Variants in BSCL2 observed in about 807,000 individuals in gnomAD.
BSCL2 encodes the protein BSCL2 lipid droplet biogenesis associated, seipin.
BSCL2 carries 41 observed loss-of-function variants against 57.4 expected under a neutral mutation model. The ratio of observed to expected loss-of-function variants is 0.71; its 90% CI spans 0.56 to 0.93. The LOEUF is 0.93. Among genes scored for constraint, BSCL2 ranks in the 40% least tolerant of loss-of-function variants. The pLI, the probability that BSCL2 is intolerant of heterozygous loss-of-function variation, is 0.00. For synonymous variants in BSCL2, 237 were observed against 227.3 expected (o/e 1.04, Z -0.38); for missense variants, 539 against 586.7 (o/e 0.92, Z 0.84).
At chr11:62,708,441 G>A, upstream of BSCL2, 2 of 1,387,276 alleles carry the variant, frequency 1.4e-6, no homozygotes, top group East Asian at 2.3e-5. Flanking sequence ...AGGCTGTGCT[G>A]TGCTGCAGGT....
intron 3 of BSCL2, 138 bp downstream of exon 3, chr11:62,702,330 T>C: frequency 1.4e-6 from 1 of 731,478 alleles, no homozygotes; most frequent in Non-Finnish European, 2.3e-6. Flanking sequence ...CCTCCCAAAG[T>C]ACTGGGATTA....
chr11:62,702,128 G>A (rs745874778), intron 3 of BSCL2, among the ~76,000 whole-genome samples: 12 of 150,788 alleles, frequency 8.0e-5, no homozygotes, highest in Admixed American at 2.6e-4. Context: ...GTGCAATGGC[G>A]TGATCTCGGC....
At chr11:62,703,311 G>T (rs995586553) in intron 2 of BSCL2, among the ~76,000 whole-genome samples, 2 of 151,596 alleles carry the variant, frequency 1.3e-5, no homozygotes, top group African/African-American at 4.8e-5. Context: ...TGCATGTGGG[G>T]GTGTGGGTGC....
intron 1 of BSCL2, chr11:62,706,297 T>C: frequency 9.0e-7 from 1 of 1,115,690 alleles, no homozygotes; most frequent in Non-Finnish European, 1.1e-6. Flanking sequence ...GAGACGGGAC[T>C]TCCGGCTCCC....
At chr11:62,703,857 T>C (rs1324678251) in intron 2 of BSCL2, among the ~76,000 whole-genome samples, 10 of 150,530 alleles carry the variant, frequency 6.6e-5, no homozygotes, top group Middle Eastern at 3.6e-3. Context: ...CAGTGGCTCA[T>C]GCTTGTAATC....
At chr11:62,705,197 C>T (rs1490859166) in intron 2 of BSCL2, 104 bp downstream of exon 2, 2 of 1,289,376 alleles carry the variant, frequency 1.6e-6, no homozygotes, top group Non-Finnish European at 2.2e-6. Flanking sequence ...GCACACCTGG[C>T]TCCAGTTTTC....
chr11:62,696,696 T>C (rs1290431387), intron 3 of BSCL2, among the ~76,000 whole-genome samples: 1 of 152,054 alleles, frequency 6.6e-6, no homozygotes, highest in East Asian at 1.9e-4. Context: ...TAGCTGGAAC[T>C]ACAGGCATGT....
intron 2 of BSCL2, among the ~76,000 whole-genome samples, chr11:62,703,077 G>A (rs1945692760): frequency 6.6e-6 from 1 of 151,728 alleles, no homozygotes; most frequent in South Asian, 2.1e-4. Flanking sequence ...CTGAACCTGG[G>A]AGGCAGAGGT....
At chr11:62,694,803 C>T (rs1248954246) in intron 3 of BSCL2, 92 bp from the exon 4 acceptor site, 19 of 1,441,980 alleles carry the variant, frequency 1.3e-5, no homozygotes, top group Non-Finnish European at 1.8e-5. Context: ...CCGCAACGCC[C>T]CCAAATACTC....
intron 2 of BSCL2, among the ~76,000 whole-genome samples, chr11:62,702,916 CGAG>C (rs1945687648): frequency 6.6e-6 from 1 of 151,912 alleles, no homozygotes; most frequent in African/African-American, 2.4e-5. Flanking sequence ...TTTTGGAGGC[CGAG>C]GAGGGCGGAT....
At position 62,692,802 on chromosome 11, in the gene BSCL2, C is replaced by T; in HGVS notation, c.631-5G>A. The T allele has an allele frequency of 6.2e-7, 1 of 1,612,898 alleles. No homozygotes were observed. The highest frequency in any genetic ancestry group is 8.5e-7 in the Non-Finnish European group (1 of 1,179,952). ...TGAGCGGTAATGCAGCATCACCTGC[C>T]GGGGGTGGGAAGCAGAGGCTGGGGA... On this transcript the variant is annotated splice_region_variant and splice_polypyrimidine_tract_variant and intron_variant, in intron 4 of 10. Coordinates refer to ENST00000360796, the MANE Select transcript of BSCL2 (RefSeq NM_001122955.4).
At chr11:62,696,278 T>TTGTGTGTGTGTGTGTGTGTG (rs1197051764) in intron 3 of BSCL2, among the ~76,000 whole-genome samples, 178 of 136,318 alleles carry the variant, frequency 1.3e-3, no homozygotes, top group Middle Eastern at 3.7e-3. Flanking sequence ...CATAAACTTT[T>TTGTGTGTGTGTGTGTGTGTG]TGTGTGTGTG....
At chr11:62,697,388 A>G (rs1945503190) in intron 3 of BSCL2, 1 of 149,574 alleles carries the variant, frequency 6.7e-6, no homozygotes, top group East Asian at 2.0e-4. Context: ...CCGTCTCAAA[A>G]AAAAAAAAAA....
chr11:62,695,766 G>C (rs1399552708), intron 3 of BSCL2, among the ~76,000 whole-genome samples: 1 of 148,572 alleles, frequency 6.7e-6, no homozygotes, highest in African/African-American at 2.5e-5. Context: ...AGCCCATAGT[G>C]AACTACCTCC....
At chr11:62,704,885 G>A (rs11605489) in intron 2 of BSCL2, among the ~76,000 whole-genome samples, 77,267 of 151,972 alleles carry the variant, frequency 0.51, 22,730 homozygotes, top group South Asian at 0.73. Flanking sequence ...TTGTGTAGCC[G>A]ACTTTCAGGG....
At position 62,691,284 on chromosome 11, in the gene BSCL2, A is replaced by G; in HGVS notation, c.1001T>C (p.Leu334Ser). The G allele has an allele frequency of 6.2e-7, 1 of 1,614,162 alleles. No homozygotes were observed. The highest frequency in any genetic ancestry group is 1.6e-4 in the Middle Eastern group (1 of 6,062). ...GGGGTCCTTGCCCCTTTCGACCTGCAAAGAGAAGCGGTGTCGGGGCCAGAT... is the reference window on the plus strand; with the variant it reads ...GGGGTCCTTGCCCCTTTCGACCTGCGAAGAGAAGCGGTGTCGGGGCCAGAT... Reference protein sequence around the residue: ...GGIWPRHRFSLQVNIRKRDNS... With the variant: ...GGIWPRHRFSSQVNIRKRDNS... Residue 334 changes from leucine (L) to serine (S), a missense_variant, in exon 7 of 11, where the codon TTG (leucine) becomes TCG (serine). Leu to Ser is a moderately radical substitution (Grantham distance 145, BLOSUM62 -2). This residue lies in a region of BSCL2 where 248 missense variants were observed against 239.9 expected (regional missense o/e 1.03). Transcript: ENST00000360796.
chr11:62,690,313 G>C lies in BSCL2; in HGVS notation c.*54C>G. On this transcript the variant is annotated 3_prime_UTR_variant, in exon 11 of 11. Transcript: ENST00000360796. ...AATAGTTTATTGAAGGAAAAACGAG[G>C]GGAGAGGAGTCAGGTGGGAAAGTGC... The C allele has an allele frequency of 6.2e-7, 1 of 1,611,900 alleles. No individual in the cohort carries two copies. Among genetic ancestry groups the C allele is most frequent in the Non-Finnish European group, 8.5e-7 (1 of 1,179,150 alleles).
At chr11:62,707,567 G>T, upstream of BSCL2, 1 of 587,024 alleles carries the variant, frequency 1.7e-6, no homozygotes, top group East Asian at 2.9e-5. Flanking sequence ...CCTGCAATGG[G>T]GGAGGGGCAG....
rs376854200 is a variant in BSCL2, at chr11:62,705,679, G to C, written c.88-62C>G. On this transcript the variant is annotated intron_variant, in intron 1 of 10. Coordinates refer to ENST00000360796, the MANE Select transcript of BSCL2 (RefSeq NM_001122955.4). Reference sequence around the variant, plus strand: ...TCCCCAGGGAGGTGGGGACAAAACAGCTTACTGGACTGGCTTTGAGGAACG... The same window carrying C: ...TCCCCAGGGAGGTGGGGACAAAACACCTTACTGGACTGGCTTTGAGGAACG... 1.6e-5 allele frequency: 23 copies of C among 1,415,870 alleles called. No homozygotes were observed. The South Asian group carries it at 2.0e-4, about 13-fold the overall frequency. The allele number at this position is 1,415,870 out of a possible 1,614,324, so 87.7% of individuals were successfully genotyped here.
Sources: gnomAD v4.1 joint callset for allele counts (sites outside exome capture counted in the v4.1 genomes callset) on GRCh38, gnomAD v4.1.1 for gene constraint, gnomAD v4.1.1 regional missense constraint, MANE v1.5 for transcripts, NCBI Gene and HGNC (gene_info 2026-07-23, HGNC 2026-07-21) for gene names.